The following ZFHX3 variants were observed in gnomAD, a reference collection of about 807,000 sequenced individuals.
ZFHX3 encodes the protein zinc finger homeobox protein 3.
In ZFHX3, 42 loss-of-function variants were observed where a neutral mutation model predicts 279.1. The ratio of observed to expected loss-of-function variants is 0.15; its 90% CI spans 0.12 to 0.19. ZFHX3 has a LOEUF of 0.19. ZFHX3 is among the 10% of genes least tolerant of loss of function. ZFHX3 has a pLI of 1.00. For synonymous variants in ZFHX3, 2,293 were observed against 1,957.8 expected, an observed-to-expected ratio of 1.17 and a Z score of -4.52; for missense variants, 4,981 against 4,754.0, an observed-to-expected ratio of 1.05 and a Z score of -1.40.
intron 1 of ZFHX3, among the ~76,000 whole-genome samples, chr16:73,012,505 C>A (rs1196460678): frequency 1.3e-5 from 2 of 152,112 alleles, no homozygotes; most frequent in African/African-American, 4.8e-5. Context: ...AGTTTTGGAA[C>A]AAGTGTAGGG....
At chr16:73,814,944 A>G (rs1483916375) in intron 1 of ZFHX3, among the ~76,000 whole-genome samples, 5 of 152,156 alleles carry the variant, frequency 3.3e-5, no homozygotes, top group Non-Finnish European at 7.4e-5. Flanking sequence ...GTTCCAATCA[A>G]GTCAACTTGC....
chr16:73,031,279 CG>C (rs35908157), intron 1 of ZFHX3, among the ~76,000 whole-genome samples: 3 of 151,456 alleles, frequency 2.0e-5, no homozygotes, highest in East Asian at 3.9e-4. Flanking sequence ...AGCCTGGCGG[CG>C]GGGGGGGAAG....
chr16:72,871,694 T>C (rs1312425748), intron 4 of ZFHX3, among the ~76,000 whole-genome samples: 1 of 149,112 alleles, frequency 6.7e-6, no homozygotes, highest in Non-Finnish European at 1.5e-5. Context: ...CCAGGGTGGT[T>C]TTGAACTCCT....
At chr16:72,950,026 T>G (rs1597002576) in intron 3 of ZFHX3, among the ~76,000 whole-genome samples, 1 of 131,040 alleles carries the variant, frequency 7.6e-6, no homozygotes, top group Non-Finnish European at 1.6e-5. Flanking sequence ...GATGGATGGA[T>G]GAAAGAAGGA....
At chr16:73,066,028 T>C (rs1031310002) in intron 8 of ZFHX3, among the ~76,000 whole-genome samples, 1 of 152,186 alleles carries the variant, frequency 6.6e-6, no homozygotes, top group Non-Finnish European at 1.5e-5. Flanking sequence ...CGGCGCACAC[T>C]GGGCCTGGAG....
chr16:73,074,023 T>TCC (rs1274161938), intron 8 of ZFHX3, among the ~76,000 whole-genome samples: 2 of 152,222 alleles, frequency 1.3e-5, no homozygotes, highest in Non-Finnish European at 2.9e-5. Flanking sequence ...GATGCCTCTG[T>TCC]CAGTGAATGT....
chr16:72,856,089 GTC>G (rs1567549669), intron 4 of ZFHX3, among the ~76,000 whole-genome samples: 1 of 152,240 alleles, frequency 6.6e-6, no homozygotes, highest in Non-Finnish European at 1.5e-5. Context: ...TCCCTGTATA[GTC>G]CAACACTTCA....
At chr16:73,275,518 G>A (rs1432752279) in intron 4 of ZFHX3, among the ~76,000 whole-genome samples, 1 of 152,142 alleles carries the variant, frequency 6.6e-6, no homozygotes, top group African/African-American at 2.4e-5. Flanking sequence ...AAATCCCCAT[G>A]CATAATCAAG....
At chr16:72,922,886 C>G (rs2039617355) in intron 3 of ZFHX3, among the ~76,000 whole-genome samples, 1 of 152,024 alleles carries the variant, frequency 6.6e-6, no homozygotes, top group Non-Finnish European at 1.5e-5. Context: ...GCAGACTCTC[C>G]CCAGCCTGCT....
At chr16:73,494,288 A>T (rs1167943515) in intron 2 of ZFHX3, among the ~76,000 whole-genome samples, 1 of 152,190 alleles carries the variant, frequency 6.6e-6, no homozygotes, top group Non-Finnish European at 1.5e-5. Context: ...TGGCTGCAGG[A>T]AAGAGGGGGC....
chr16:73,812,023 A>G (rs1022527701), intron 1 of ZFHX3, among the ~76,000 whole-genome samples: 6 of 152,238 alleles, frequency 3.9e-5, no homozygotes, highest in Admixed American at 6.5e-5. Flanking sequence ...AAGAGATTAA[A>G]TAACCTACCC....
chr16:72,848,275 C>T (rs897872785), intron 4 of ZFHX3, among the ~76,000 whole-genome samples: 20 of 152,140 alleles, frequency 1.3e-4, no homozygotes, highest in Admixed American at 4.6e-4. Context: ...TAACCTTTCT[C>T]GGAGCGCATT....
intron 1 of ZFHX3, among the ~76,000 whole-genome samples, chr16:73,868,417 G>C (rs191751077): frequency 6.6e-6 from 1 of 152,210 alleles, no homozygotes; most frequent in Non-Finnish European, 1.5e-5. Context: ...CCAGCTACTC[G>C]GGAGGCCGAG....
chr16:73,659,826 A>T (rs763167207), intron 2 of ZFHX3, among the ~76,000 whole-genome samples: 1 of 152,154 alleles, frequency 6.6e-6, no homozygotes, highest in Non-Finnish European at 1.5e-5. Context: ...AAGTTTCCTT[A>T]TTAGCAGCAA....
chr16:73,571,777 G>C (rs2051738999), intron 2 of ZFHX3, among the ~76,000 whole-genome samples: 1 of 152,122 alleles, frequency 6.6e-6, no homozygotes, highest in Non-Finnish European at 1.5e-5. Flanking sequence ...AAATCAAAAT[G>C]TGTTGCACAA....
intron 1 of ZFHX3, among the ~76,000 whole-genome samples, chr16:73,053,444 C>G (rs963341720): frequency 6.6e-6 from 1 of 151,788 alleles, no homozygotes. Context: ...GCAACTGAAT[C>G]AAAGTCTCCG....
intron 8 of ZFHX3, chr16:73,083,180 G>T (rs1965970947): frequency 6.6e-6 from 1 of 152,620 alleles, no homozygotes; most frequent in Non-Finnish European, 1.5e-5. Context: ...TCCAGCCTGG[G>T]CAACAAGAGC....
In ZFHX3 at chr16:73,883,332, G is replaced by A. The variant is rs2030234307; in HGVS notation, c.-1608+8319C>T. On this transcript the variant is annotated intron_variant, in intron 1 of 17. Coordinates refer to the ZFHX3 transcript ENST00000641206. ...TGACGTCTGGCAGCCTATGTTCTCTGTGTATTCTGTTACTCCAGGAATGAG... is the reference window on the plus strand; with the variant it reads ...TGACGTCTGGCAGCCTATGTTCTCTATGTATTCTGTTACTCCAGGAATGAG... Among the ~76,000 whole-genome samples, 6 of 152,050 alleles carry A rather than the reference G, an allele frequency of 3.9e-5. No individual in the cohort carries two copies. The South Asian group carries it at 1.0e-3, about 26-fold the overall frequency.
At chr16:73,110,258 T>C (rs1247639363) in intron 7 of ZFHX3, among the ~76,000 whole-genome samples, 1 of 152,126 alleles carries the variant, frequency 6.6e-6, no homozygotes, top group Non-Finnish European at 1.5e-5. Flanking sequence ...AAAATCCTTA[T>C]ACATTTTCTC....
Sources: gnomAD v4.1 joint callset for allele counts (sites outside exome capture counted in the v4.1 genomes callset) on GRCh38, gnomAD v4.1.1 for gene constraint, MANE v1.5 for transcripts, NCBI Gene and HGNC (gene_info 2026-07-23, HGNC 2026-07-21) for gene names.